Variants in ADAMTS3 observed in about 807,000 individuals in gnomAD.
ADAMTS3 encodes the protein ADAM metallopeptidase with thrombospondin type 1 motif 3, also known as A disintegrin and metalloproteinase with thrombospondin motifs 3.
Under a neutral mutation model 129.0 loss-of-function variants are expected in ADAMTS3, and 73 were observed. The observed-to-expected ratio is 0.57, with a 90% CI of 0.47 to 0.69. The LOEUF (loss-of-function observed/expected upper bound fraction) is 0.69. Among genes scored for constraint, ADAMTS3 ranks in the 30% least tolerant of loss-of-function variants. The pLI, the probability that ADAMTS3 is intolerant of heterozygous loss-of-function variation, is 0.00. For synonymous variants in ADAMTS3, 477 were observed against 510.8 expected (o/e 0.93, Z 0.89); for missense variants, 1,457 against 1,514.5 (o/e 0.96, Z 0.63).
At chr4:72,550,277 G>C (rs1267101609) in intron 2 of ADAMTS3, among the ~76,000 whole-genome samples, 1 of 151,862 alleles carries the variant, frequency 6.6e-6, no homozygotes. Flanking sequence ...ATCCAATAAT[G>C]TATTTAGAGC....
At chr4:72,307,308 C>T (rs1017963717) in intron 15 of ADAMTS3, among the ~76,000 whole-genome samples, 1 of 151,938 alleles carries the variant, frequency 6.6e-6, no homozygotes, top group Non-Finnish European at 1.5e-5. Context: ...CCATGTTTGC[C>T]TGAGTACACA....
chr4:72,333,019 T>C (rs1719890602), intron 5 of ADAMTS3, among the ~76,000 whole-genome samples: 1 of 152,200 alleles, frequency 6.6e-6, no homozygotes, highest in Non-Finnish European at 1.5e-5. Flanking sequence ...GTCCTGACTC[T>C]GCCATACTAA....
At chr4:72,407,528 A>T (rs1009701777) in intron 4 of ADAMTS3, among the ~76,000 whole-genome samples, 1 of 152,142 alleles carries the variant, frequency 6.6e-6, no homozygotes, top group African/African-American at 2.4e-5. Flanking sequence ...TTAGGGAGCA[A>T]AATATTTTAG....
intron 4 of ADAMTS3, among the ~76,000 whole-genome samples, chr4:72,344,049 T>A (rs149259589): frequency 0.015 from 2,214 of 152,296 alleles, 214 homozygotes; most frequent in Admixed American, 0.13. Context: ...GCAGAAGTGA[T>A]CATTTTACTA....
intron 3 of ADAMTS3, among the ~76,000 whole-genome samples, chr4:72,514,509 C>G (rs1406438781): frequency 6.6e-6 from 1 of 152,118 alleles, no homozygotes; most frequent in East Asian, 1.9e-4. Flanking sequence ...GAGGAAAACT[C>G]TCTCGCAGAA....
At chr4:72,551,123 T>TC (rs1394339972) in intron 2 of ADAMTS3, among the ~76,000 whole-genome samples, 2 of 152,170 alleles carry the variant, frequency 1.3e-5, no homozygotes, top group Non-Finnish European at 2.9e-5. Flanking sequence ...TCTCTAACCA[T>TC]CGGCTGACCA....
At chr4:72,486,312 C>T (rs1274655873) in intron 3 of ADAMTS3, among the ~76,000 whole-genome samples, 1 of 152,192 alleles carries the variant, frequency 6.6e-6, no homozygotes, top group Non-Finnish European at 1.5e-5. Flanking sequence ...GTATTTTCAT[C>T]ATTGTAGTAA....
At position 72,531,012 on chromosome 4, in the gene ADAMTS3, G is replaced by C. The variant is rs1197717845; in HGVS notation, c.504+17466C>G. ...GGAAGCCACTGAAATCTTGTAAACA[G>C]AACATTTTATCAAACTTAGAAATGC... On this transcript the variant is annotated intron_variant, in intron 3 of 21. Transcript: ENST00000286657. Among the ~76,000 whole-genome samples, 10 of 150,834 alleles carry C rather than the reference G, an allele frequency of 6.6e-5. No individual in the cohort carries two copies. In the Admixed American group the frequency reaches 6.7e-4, roughly 10 times the overall value.
At chr4:72,390,893 TA>T (rs33953807) in intron 4 of ADAMTS3, among the ~76,000 whole-genome samples, 86,720 of 145,240 alleles carry the variant, frequency 0.6, 25,968 homozygotes, top group South Asian at 0.73. Context: ...TAGAAAAAAT[TA>T]AAAAAAAAAA....
At chr4:72,426,412 G>T (rs1376238679) in intron 3 of ADAMTS3, among the ~76,000 whole-genome samples, 1 of 152,012 alleles carries the variant, frequency 6.6e-6, no homozygotes, top group African/African-American at 2.4e-5. Flanking sequence ...CCTTGAATCT[G>T]GGCATTTGAT....
chr4:72,347,942 A>G (rs1720330899), intron 4 of ADAMTS3, among the ~76,000 whole-genome samples: 1 of 152,068 alleles, frequency 6.6e-6, no homozygotes, highest in Non-Finnish European at 1.5e-5. Flanking sequence ...TTTAGTAAGG[A>G]TAGAAAAGCT....
At position 72,539,893 on chromosome 4, in the gene ADAMTS3, A is replaced by C. The variant is rs142428590; in HGVS notation, c.504+8585T>G. ...GCCACATGGAACTGTGAGTCCAATT[A>C]AACCTCTTTCTTTTGTAAATTACCC... On this transcript the variant is annotated intron_variant, in intron 3 of 21. Coordinates refer to ENST00000286657, the MANE Select transcript of ADAMTS3 (RefSeq NM_014243.3). Among the ~76,000 whole-genome samples the C allele has an allele frequency of 2.0e-3, 307 of 152,316 alleles. 2 individuals carry two copies. The highest frequency in any genetic ancestry group is 7.2e-3 in the African/African-American group (300 of 41,560).
chr4:72,385,174 T>A (rs1409209992), intron 4 of ADAMTS3, among the ~76,000 whole-genome samples: 2 of 150,212 alleles, frequency 1.3e-5, no homozygotes, highest in Non-Finnish European at 3.0e-5. Flanking sequence ...AGTAAGACTC[T>A]GTCTCAAAAA....
chr4:72,377,355 C>T (rs1333925451), intron 4 of ADAMTS3, among the ~76,000 whole-genome samples: 4 of 151,976 alleles, frequency 2.6e-5, no homozygotes, highest in Non-Finnish European at 5.9e-5. Context: ...TTATTTAGTC[C>T]GTGTAAATGA....
intron 4 of ADAMTS3, among the ~76,000 whole-genome samples, chr4:72,407,071 G>T (rs778420026): frequency 6.6e-6 from 1 of 152,074 alleles, no homozygotes; most frequent in Non-Finnish European, 1.5e-5. Flanking sequence ...ACATATCCCA[G>T]CCTGATTAAC....
At chr4:72,498,324 T>C (rs1193274095) in intron 3 of ADAMTS3, among the ~76,000 whole-genome samples, 1 of 151,874 alleles carries the variant, frequency 6.6e-6, no homozygotes, top group East Asian at 1.9e-4. Context: ...ATTGTATCAA[T>C]GACATCACGA....
chr4:72,281,169 A>T lies in ADAMTS3; in HGVS notation c.*1967T>A, dbSNP rs1578545268. 6.6e-6 allele frequency: 1 copy of T among 152,588 alleles called. No homozygotes were observed. 9.5% of individuals were successfully genotyped at this position (152,588 alleles called of 1,614,324 possible). On this transcript the variant is annotated 3_prime_UTR_variant, in exon 22 of 22. Coordinates refer to ENST00000286657, the MANE Select transcript of ADAMTS3 (RefSeq NM_014243.3). ...CCCTGTGGATGAGATGTATGCACAC[A>T]CAAGTAAACTAGAGAGAATTTTATT...
At chr4:72,537,910 T>C (rs1017820461) in intron 3 of ADAMTS3, among the ~76,000 whole-genome samples, 9 of 152,022 alleles carry the variant, frequency 5.9e-5, no homozygotes, top group African/African-American at 1.7e-4. Context: ...GAAAGAGATA[T>C]AGGTAAAGAA....
At chr4:72,497,233 T>C (rs1362632653) in intron 3 of ADAMTS3, among the ~76,000 whole-genome samples, 2 of 152,076 alleles carry the variant, frequency 1.3e-5, no homozygotes, top group African/African-American at 4.8e-5. Context: ...CACTTAAGGT[T>C]ACAGAAATCT....
Sources: gnomAD v4.1 joint callset for allele counts (sites outside exome capture counted in the v4.1 genomes callset) on GRCh38, gnomAD v4.1.1 for gene constraint, MANE v1.5 for transcripts, NCBI Gene and HGNC (gene_info 2026-07-23, HGNC 2026-07-21) for gene names.